NAALADL2: variants seen among roughly 807,000 people sequenced by gnomAD.
NAALADL2 encodes the protein inactive N-acetylated-alpha-linked acidic dipeptidase-like protein 2.
In NAALADL2, 76 loss-of-function variants were observed where a neutral mutation model predicts 87.2. The observed-to-expected ratio is 0.87, with a 90% CI of 0.72 to 1.05. The LOEUF (loss-of-function observed/expected upper bound fraction) is 1.05. Among genes scored for constraint, NAALADL2 ranks in the 50% least tolerant of loss-of-function variants. NAALADL2 has a pLI of 0.00. For missense variants in NAALADL2, 1,089 were observed against 945.8 expected (o/e 1.15, Z -1.99); for synonymous variants, 354 against 331.0 (o/e 1.07, Z -0.75).
chr3:174,828,941 T>C (rs1722300663), intron 3 of NAALADL2, among the ~76,000 whole-genome samples: 1 of 152,160 alleles, frequency 6.6e-6, no homozygotes, highest in Non-Finnish European at 1.5e-5. Flanking sequence ...AAATTGTGTA[T>C]TATAATATTT....
intron 2 of NAALADL2, among the ~76,000 whole-genome samples, chr3:174,569,222 G>A (rs116534373): frequency 6.1e-4 from 93 of 151,862 alleles, no homozygotes; most frequent in African/African-American, 2.1e-3. Context: ...GAGTAATAAC[G>A]TTTGTATATC....
chr3:174,554,418 C>G (rs771858881), intron 2 of NAALADL2, among the ~76,000 whole-genome samples: 1 of 151,728 alleles, frequency 6.6e-6, no homozygotes, highest in Non-Finnish European at 1.5e-5. Context: ...ATCGACACCC[C>G]TTTCTCTTTT....
chr3:175,115,026 T>C (rs1267522294), intron 2 of NAALADL2, among the ~76,000 whole-genome samples: 6 of 151,668 alleles, frequency 4.0e-5, no homozygotes, highest in Non-Finnish European at 8.9e-5. Flanking sequence ...GAAGCACTTA[T>C]AAACTTGTTT....
intron 7 of NAALADL2, among the ~76,000 whole-genome samples, chr3:175,464,302 C>A (rs1166994882): frequency 1.3e-5 from 2 of 151,690 alleles, no homozygotes; most frequent in Non-Finnish European, 2.9e-5. Flanking sequence ...TGAAAATGGT[C>A]ACCTGCAGCT....
At chr3:175,094,756 T>TG (rs747838814) in intron 1 of NAALADL2, among the ~76,000 whole-genome samples, 3,477 of 129,816 alleles carry the variant, frequency 0.027, 52 homozygotes, top group East Asian at 0.078. Context: ...CCAGACACTA[T>TG]AGTGTGTGTG....
chr3:175,698,481 A>ATTTT (rs1264385670), intron 11 of NAALADL2, among the ~76,000 whole-genome samples: 1 of 111,006 alleles, frequency 9.0e-6, no homozygotes, highest in African/African-American at 4.6e-5. Flanking sequence ...GTGTATATAT[A>ATTTT]TTTATATATA....
intron 2 of NAALADL2, among the ~76,000 whole-genome samples, chr3:175,139,456 G>A (rs1361234776): frequency 6.6e-6 from 1 of 151,962 alleles, no homozygotes; most frequent in Non-Finnish European, 1.5e-5. Context: ...AAGAATAAGG[G>A]ACAATACATT....
intron 2 of NAALADL2, among the ~76,000 whole-genome samples, chr3:175,101,158 A>G (rs1297373930): frequency 2.0e-5 from 3 of 152,226 alleles, no homozygotes; most frequent in East Asian, 1.9e-4. Context: ...TCTGATTTGC[A>G]TTGAAGTGTT....
rs190951586 is a variant in NAALADL2 at position 175,517,280 on chromosome 3, G to A, written c.1653+45522G>A. Among the ~76,000 whole-genome samples the A allele has an allele frequency of 1.6e-4, 25 of 152,186 alleles. No homozygotes were observed. In the East Asian group the frequency reaches 4.8e-3, roughly 29 times the overall value. On this transcript the variant is annotated intron_variant, in intron 9 of 13. Coordinates refer to ENST00000454872, the MANE Select transcript of NAALADL2 (RefSeq NM_207015.3). ...TTTTACAGTTTTGTAAAAGGATGAG[G>A]TCCAACTATGATTTTAAGTGAATAA... is the stretch of plus-strand genomic sequence containing the variant.
chr3:174,732,650 G>A (rs1176097382), intron 2 of NAALADL2, among the ~76,000 whole-genome samples: 1 of 151,932 alleles, frequency 6.6e-6, no homozygotes, highest in African/African-American at 2.4e-5. Context: ...ACTTATGGTG[G>A]GTTTTCAAGA....
intron 2 of NAALADL2, among the ~76,000 whole-genome samples, chr3:175,126,856 C>CTTTT (rs201786673): frequency 7.1e-6 from 1 of 140,288 alleles, no homozygotes; most frequent in Non-Finnish European, 1.6e-5. Context: ...TTCAAGCTAC[C>CTTTT]TTTTTTTTTT....
intron 13 of NAALADL2, among the ~76,000 whole-genome samples, chr3:175,782,619 G>A (rs1376447030): frequency 2.8e-5 from 4 of 141,862 alleles, no homozygotes; most frequent in African/African-American, 5.8e-5. Context: ...TTTGTCAGAT[G>A]AGTAGGTTGC....
chr3:175,486,989 T>C (rs1210540063), intron 9 of NAALADL2, among the ~76,000 whole-genome samples: 2 of 152,168 alleles, frequency 1.3e-5, no homozygotes, highest in African/African-American at 4.8e-5. Flanking sequence ...CTTTGCCCCA[T>C]ACAACCCATT....
At chr3:174,946,689 G>A (rs1319497522) in intron 1 of NAALADL2, among the ~76,000 whole-genome samples, 1 of 152,054 alleles carries the variant, frequency 6.6e-6, no homozygotes, top group Non-Finnish European at 1.5e-5. Context: ...GAAGAAAGGA[G>A]GGAGGAAAAG....
chr3:174,491,095 A>T (rs995237974), intron 1 of NAALADL2, among the ~76,000 whole-genome samples: 1 of 152,112 alleles, frequency 6.6e-6, no homozygotes, highest in African/African-American at 2.4e-5. Flanking sequence ...TCCTTCAAGA[A>T]ATTACTTAAA....
chr3:175,291,505 A>C (rs1755631371), intron 4 of NAALADL2, among the ~76,000 whole-genome samples: 1 of 152,186 alleles, frequency 6.6e-6, no homozygotes, highest in African/African-American at 2.4e-5. Context: ...TCCAACTCAT[A>C]TATACCTAGC....
chr3:174,722,709 TAATTA>T (rs1731819738), intron 2 of NAALADL2, among the ~76,000 whole-genome samples: 1 of 150,624 alleles, frequency 6.6e-6, no homozygotes, highest in African/African-American at 2.5e-5. Context: ...CCCAAATAAA[TAATTA>T]AATAAGGTAG....
chr3:175,048,890 A>C (rs1004500126), intron 1 of NAALADL2, among the ~76,000 whole-genome samples: 1 of 152,158 alleles, frequency 6.6e-6, no homozygotes, highest in African/African-American at 2.4e-5. Flanking sequence ...AAAGCTGCAT[A>C]GGGAGTTTGT....
intron 1 of NAALADL2, among the ~76,000 whole-genome samples, chr3:174,906,100 C>T (rs1167331690): frequency 6.6e-6 from 1 of 151,930 alleles, no homozygotes; most frequent in East Asian, 1.9e-4. Flanking sequence ...GTATATTGTA[C>T]AAAACAAACT....
Sources: allele counts gnomAD v4.1 joint callset (sites outside exome capture counted in the v4.1 genomes callset), GRCh38; gene constraint gnomAD v4.1.1; transcripts MANE v1.5; gene names NCBI Gene and HGNC (gene_info 2026-07-23, HGNC 2026-07-21).